COTL1: variants seen among roughly 807,000 people sequenced by gnomAD.
COTL1 encodes coactosin-like protein.
In COTL1, 15 loss-of-function variants were observed where a neutral mutation model predicts 16.5. The observed-to-expected ratio is 0.91, with a 90% CI of 0.61 to 1.40. The LOEUF is 1.40. Among genes scored for constraint, COTL1 ranks in the 40% most tolerant of loss-of-function variants. COTL1 has a pLI of 0.00. For synonymous variants in COTL1, 112 were observed against 85.3 expected, an observed-to-expected ratio of 1.31 and a Z score of -1.73; for missense variants, 220 against 201.5, an observed-to-expected ratio of 1.09 and a Z score of -0.56.
At chr16:84,575,313 C>T (rs1369347639) in intron 3 of COTL1, 1 of 152,162 alleles carries the variant, frequency 6.6e-6, no homozygotes, top group Non-Finnish European at 1.5e-5. Context: ...GCTGGGATTA[C>T]AGGGGTGAGT....
At chr16:84,602,254 A>C (rs1223027706) in intron 2 of COTL1, among the ~76,000 whole-genome samples, 1 of 152,006 alleles carries the variant, frequency 6.6e-6, no homozygotes, top group Non-Finnish European at 1.5e-5. Flanking sequence ...AGATGGGCAC[A>C]GCAGCTCACA....
At position 84,566,107 on chromosome 16, in the gene COTL1, C is replaced by G. The variant is rs113378778; in HGVS notation, c.*738G>C. Reference sequence around the variant, plus strand: ...CCTTCTCTGTGTCACAAGGAAATTTCGGTCAAGAGGGTGGGAACAGGTGGT... The same window carrying G: ...CCTTCTCTGTGTCACAAGGAAATTTGGGTCAAGAGGGTGGGAACAGGTGGT... On this transcript the variant is annotated 3_prime_UTR_variant, in exon 4 of 4. Transcript: ENST00000262428. 1 of 152,742 alleles carries G rather than the reference C, an allele frequency of 6.5e-6. No individual in the cohort carries two copies. The highest frequency in any genetic ancestry group is 2.4e-5 in the African/African-American group (1 of 41,478). 9.5% of individuals were successfully genotyped at this position (152,742 alleles called of 1,614,324 possible).
intron 2 of COTL1, among the ~76,000 whole-genome samples, chr16:84,607,088 G>C (rs1420992146): frequency 6.6e-6 from 1 of 152,210 alleles, no homozygotes; most frequent in Admixed American, 6.5e-5. Context: ...TCCCCGCCAA[G>C]GATACCACCA....
At chr16:84,611,046 AC>A (rs1344275916) in intron 2 of COTL1, among the ~76,000 whole-genome samples, 3 of 152,228 alleles carry the variant, frequency 2.0e-5, no homozygotes, top group Non-Finnish European at 4.4e-5. Flanking sequence ...ATTATATGGA[AC>A]AAGCCAGTTT....
chr16:84,595,898 ATGTATG>A (rs1904993654), intron 2 of COTL1: 1 of 151,624 alleles, frequency 6.6e-6, no homozygotes, highest in Non-Finnish European at 1.5e-5. Context: ...TTATATATAC[ATGTATG>A]TGTATGTGTG....
At chr16:84,575,557 C>T (rs1431474170) in intron 3 of COTL1, 2 of 152,102 alleles carry the variant, frequency 1.3e-5, no homozygotes, top group East Asian at 1.9e-4. Context: ...AGGGTTTCAT[C>T]ATGTTGGCCA....
At chr16:84,591,281 T>A (rs1243023187) in intron 2 of COTL1, among the ~76,000 whole-genome samples, 3 of 151,698 alleles carry the variant, frequency 2.0e-5, no homozygotes, top group Non-Finnish European at 4.4e-5. Context: ...CCTCTAGGGT[T>A]CACACCATTC....
chr16:84,566,933 A>G lies in COTL1; in HGVS notation c.341T>C (p.Ile114Thr), dbSNP rs1904301479. The change falls in exon 4 of 4, where the codon ATC becomes ACC. Residue 114 changes from isoleucine to threonine, a missense_variant. Coordinates refer to ENST00000262428, the MANE Select transcript of COTL1 (RefSeq NM_021149.5). Reference protein sequence around the residue: ...VVQNFAKEFVISDRKELEEDF... With the variant: ...VVQNFAKEFVTSDRKELEEDF... Reference sequence around the variant, plus strand: ...TTCCTCCAGCTCCTTCCGATCACTGATCACAAACTCCTTAGCGAAATTCTG... The same window carrying G: ...TTCCTCCAGCTCCTTCCGATCACTGGTCACAAACTCCTTAGCGAAATTCTG... The G allele has an allele frequency of 6.2e-7, 1 of 1,613,802 alleles. No individual in the cohort carries two copies. Among genetic ancestry groups the G allele is most frequent in the South Asian group, 1.1e-5 (1 of 91,064 alleles).
At chr16:84,605,109 T>A (rs558768108) in intron 2 of COTL1, among the ~76,000 whole-genome samples, 11 of 151,920 alleles carry the variant, frequency 7.2e-5, no homozygotes, top group African/African-American at 2.7e-4. Flanking sequence ...TAAACAACAG[T>A]GGCCTCTAAA....
At chr16:84,603,844 G>A (rs1374140264) in intron 2 of COTL1, among the ~76,000 whole-genome samples, 2 of 151,942 alleles carry the variant, frequency 1.3e-5, no homozygotes, top group Non-Finnish European at 2.9e-5. Flanking sequence ...AGGAGGACAT[G>A]AAACAAAAGT....
chr16:84,606,569 A>C (rs2150695294), intron 2 of COTL1, among the ~76,000 whole-genome samples: 1 of 152,358 alleles, frequency 6.6e-6, no homozygotes, highest in Middle Eastern at 3.4e-3. Context: ...TGCTGCAAGG[A>C]GATGCTTTTT....
intron 3 of COTL1, among the ~76,000 whole-genome samples, chr16:84,580,458 C>T (rs1273862175): frequency 1.3e-5 from 2 of 152,082 alleles, no homozygotes; most frequent in African/African-American, 4.8e-5. Context: ...ACTATATTGC[C>T]CAGGCTGGTC....
chr16:84,567,065 G>C, intron 3 of COTL1, 110 bp from the exon 4 acceptor site: 1 of 730,860 alleles, frequency 1.4e-6, no homozygotes, highest in Non-Finnish European at 2.5e-6. Flanking sequence ...CCTGATGAGA[G>C]ATGGAAATGG....
rs144580166 is a variant in COTL1 at position 84,615,292 on chromosome 16, G to A, written c.160+2209C>T. On this transcript the variant is annotated intron_variant, in intron 2 of 3. Coordinates refer to ENST00000262428, the MANE Select transcript of COTL1 (RefSeq NM_021149.5). The stretch of plus-strand genomic sequence containing the variant: ...GCAGGGAAGCATTTTTAGCTTCCTC[G>A]CCAGACACGCGCCACTCCCCACTCC... Among the ~76,000 whole-genome samples the A allele has an allele frequency of 2.9e-3, 446 of 152,340 alleles. 5 individuals are homozygous for A. The highest frequency in any genetic ancestry group is 8.7e-3 in the African/African-American group (360 of 41,570).
At chr16:84,598,657 A>ACC (rs139413763) in intron 2 of COTL1, among the ~76,000 whole-genome samples, 4,080 of 137,874 alleles carry the variant, frequency 0.03, 200 homozygotes, top group African/African-American at 0.09. Flanking sequence ...CTCCCCCCCA[A>ACC]CCCCCCCCAC....
intron 2 of COTL1, among the ~76,000 whole-genome samples, chr16:84,592,308 C>G (rs1332772295): frequency 6.6e-6 from 1 of 152,198 alleles, no homozygotes; most frequent in Non-Finnish European, 1.5e-5. Flanking sequence ...CATTACAATT[C>G]CTAAGTGGTG....
At chr16:84,580,445 C>G (rs1904557694) in intron 3 of COTL1, among the ~76,000 whole-genome samples, 1 of 152,106 alleles carries the variant, frequency 6.6e-6, no homozygotes. Context: ...GCAGCAGGGT[C>G]TCACTATATT....
At chr16:84,580,342 G>A (rs1904555199) in intron 3 of COTL1, among the ~76,000 whole-genome samples, 1 of 152,142 alleles carries the variant, frequency 6.6e-6, no homozygotes, top group African/African-American at 2.4e-5. Context: ...ATAGCTCACT[G>A]CATCCTTGAC....
chr16:84,602,978 C>T (rs535667251), intron 2 of COTL1, among the ~76,000 whole-genome samples: 10 of 152,192 alleles, frequency 6.6e-5, no homozygotes, highest in Non-Finnish European at 1.2e-4. Context: ...GCACCAAGAA[C>T]GGTAGCCCAG....
Sources: allele counts gnomAD v4.1 joint callset (sites outside exome capture counted in the v4.1 genomes callset), GRCh38; gene constraint gnomAD v4.1.1; transcripts MANE v1.5; gene names NCBI Gene and HGNC (gene_info 2026-07-23, HGNC 2026-07-21).